The following WWOX variants were observed in gnomAD, a reference collection of about 807,000 sequenced individuals.
WWOX encodes WW domain containing oxidoreductase.
A neutral mutation model predicts 46.2 loss-of-function variants in WWOX; 69 were observed. That is an observed-to-expected ratio of 1.49 (90% CI 1.23 to 1.82). The LOEUF is 1.82. Among genes scored for constraint, WWOX ranks in the 40% most tolerant of loss-of-function variants. WWOX has a pLI of 0.00. For synonymous variants in WWOX, 359 were observed against 202.6 expected, an observed-to-expected ratio of 1.77 and a Z score of -6.56; for missense variants, 919 against 542.6, an observed-to-expected ratio of 1.69 and a Z score of -6.89.
intron 5 of WWOX, among the ~76,000 whole-genome samples, chr16:78,331,213 G>C (rs1306218333): frequency 6.6e-6 from 1 of 152,164 alleles, no homozygotes; most frequent in Admixed American, 6.5e-5. Context: ...AATTATCACT[G>C]AGGGTGTTAG....
chr16:78,702,220 C>T (rs2048240416), intron 8 of WWOX, among the ~76,000 whole-genome samples: 1 of 148,286 alleles, frequency 6.7e-6, no homozygotes, highest in South Asian at 2.1e-4. Context: ...CTCGAGGCGG[C>T]AGTGAGCAGT....
chr16:78,241,502 C>T (rs1391320865), intron 5 of WWOX, among the ~76,000 whole-genome samples: 1 of 152,106 alleles, frequency 6.6e-6, no homozygotes, highest in Non-Finnish European at 1.5e-5. Flanking sequence ...CATCTCGGCT[C>T]ACTGCAGACT....
intron 5 of WWOX, among the ~76,000 whole-genome samples, chr16:78,367,035 A>T (rs1315710285): frequency 1.6e-5 from 2 of 128,978 alleles, no homozygotes; most frequent in African/African-American, 3.0e-5. Context: ...GCTGGAGTGC[A>T]GTGGTGTGAT....
At chr16:78,449,169 C>T (rs2083630754) in intron 8 of WWOX, among the ~76,000 whole-genome samples, 5 of 152,164 alleles carry the variant, frequency 3.3e-5, no homozygotes, top group Admixed American at 3.3e-4. Context: ...GCTTCCTTTC[C>T]TGCCTGGTGT....
At chr16:78,862,374 T>C (rs1385411661) in intron 8 of WWOX, among the ~76,000 whole-genome samples, 2 of 151,276 alleles carry the variant, frequency 1.3e-5, no homozygotes, top group Non-Finnish European at 2.9e-5. Context: ...CTATAGTATA[T>C]AGAGTATACA....
chr16:78,375,543 T>A (rs1173666181), intron 5 of WWOX, among the ~76,000 whole-genome samples: 1 of 152,236 alleles, frequency 6.6e-6, no homozygotes, highest in Admixed American at 6.5e-5. Context: ...CTTTTTAATT[T>A]ACGATAAATG....
chr16:78,370,297 C>G (rs2081642479), intron 5 of WWOX, among the ~76,000 whole-genome samples: 2 of 152,082 alleles, frequency 1.3e-5, no homozygotes, highest in Non-Finnish European at 2.9e-5. Flanking sequence ...TACCACTTAC[C>G]TCAGAGAGTT....
intron 5 of WWOX, among the ~76,000 whole-genome samples, chr16:78,328,891 T>A (rs2080695274): frequency 6.6e-6 from 1 of 152,112 alleles, no homozygotes; most frequent in African/African-American, 2.4e-5. Context: ...TCTAACAGTC[T>A]TGCTCTGTCT....
rs538709228 is a variant in WWOX, at chr16:78,641,893, G to A, written c.1056+209141G>A. On this transcript the variant is annotated intron_variant, in intron 8 of 8. Transcript: ENST00000566780. The stretch of plus-strand genomic sequence containing the variant: ...GAGCCGAAATTATTTCTGTGCACAG[G>A]CAGTATTAGAGGAGTGGCTTACCAA... 4.6e-5 allele frequency among the ~76,000 whole-genome samples: 7 copies of A among 152,322 alleles called. No individual in the cohort carries two copies. In the South Asian group the frequency reaches 8.3e-4, roughly 18 times the overall value.
At chr16:78,398,513 C>T (rs570650633) in intron 6 of WWOX, among the ~76,000 whole-genome samples, 1 of 152,302 alleles carries the variant, frequency 6.6e-6, no homozygotes, top group Non-Finnish European at 1.5e-5. Context: ...TCCCTTCTAC[C>T]TGCTCTTACC....
chr16:78,442,809 G>A (rs920183895), intron 8 of WWOX, among the ~76,000 whole-genome samples: 1 of 151,642 alleles, frequency 6.6e-6, no homozygotes, highest in South Asian at 2.1e-4. Context: ...GCGAAATTCT[G>A]TCTCTACTAA....
intron 8 of WWOX, among the ~76,000 whole-genome samples, chr16:79,143,976 C>T (rs762621421): frequency 6.6e-6 from 1 of 152,176 alleles, no homozygotes. Context: ...ACAGTCATAG[C>T]TCACTGCAAT....
intron 5 of WWOX, among the ~76,000 whole-genome samples, chr16:78,313,761 C>G (rs2080297053): frequency 6.6e-6 from 1 of 152,138 alleles, no homozygotes; most frequent in African/African-American, 2.4e-5. Context: ...TTTTGAGGCT[C>G]TTCTATTATG....
At position 78,695,872 on chromosome 16, in the gene WWOX, G is replaced by C. The variant is rs529519800; in HGVS notation, c.1056+263120G>C. On this transcript the variant is annotated intron_variant, in intron 8 of 8. Transcript: ENST00000566780. ...GGAAGGACAGATGTCATTCCTTAAA[G>C]GGGCTGCACTGAATTAGACCAGGGG... Among the ~76,000 whole-genome samples the C allele has an allele frequency of 5.3e-5, 8 of 152,306 alleles. No homozygotes were observed. In the South Asian group the frequency reaches 1.7e-3, roughly 32 times the overall value.
At chr16:78,185,815 C>T (rs980607976) in intron 5 of WWOX, among the ~76,000 whole-genome samples, 1 of 151,160 alleles carries the variant, frequency 6.6e-6, no homozygotes, top group Admixed American at 6.6e-5. Flanking sequence ...TACAGGCACC[C>T]ACCATCACGC....
chr16:78,932,684 G>C (rs996928040), intron 8 of WWOX, among the ~76,000 whole-genome samples: 3 of 152,202 alleles, frequency 2.0e-5, no homozygotes, highest in African/African-American at 7.2e-5. Context: ...GGAGGACCTG[G>C]TGGAGTTAAA....
chr16:78,135,040 A>G (rs978948999), intron 4 of WWOX, among the ~76,000 whole-genome samples: 1 of 152,220 alleles, frequency 6.6e-6, no homozygotes, highest in African/African-American at 2.4e-5. Flanking sequence ...GAAAAATCCC[A>G]GTGCCATAAC....
At chr16:78,176,464 C>A (rs571696621) in intron 5 of WWOX, among the ~76,000 whole-genome samples, 1 of 152,096 alleles carries the variant, frequency 6.6e-6, no homozygotes. Flanking sequence ...GCAGGGGAAC[C>A]ATGCACTTAT....
At chr16:78,756,385 C>T (rs1358369868) in intron 8 of WWOX, among the ~76,000 whole-genome samples, 3 of 152,064 alleles carry the variant, frequency 2.0e-5, no homozygotes, top group Admixed American at 6.5e-5. Context: ...TGAGATAGGA[C>T]AGAACTCCAG....
Sources: gnomAD v4.1 joint callset for allele counts (sites outside exome capture counted in the v4.1 genomes callset) on GRCh38, gnomAD v4.1.1 for gene constraint, MANE v1.5 for transcripts, NCBI Gene and HGNC (gene_info 2026-07-23, HGNC 2026-07-21) for gene names.